RAB5B: variants seen among roughly 807,000 people sequenced by gnomAD.
The protein encoded by RAB5B is ras-related protein Rab-5B.
In RAB5B, 11 loss-of-function variants were observed where a neutral mutation model predicts 28.6. That is an observed-to-expected ratio of 0.38 (90% CI 0.24 to 0.64). The LOEUF (loss-of-function observed/expected upper bound fraction) is 0.64, where lower values mean the gene tolerates loss of function less well. Among genes scored for constraint, RAB5B ranks in the 30% least tolerant of loss-of-function variants. RAB5B has a pLI of 0.53. For synonymous variants in RAB5B, 93 were observed against 97.9 expected, an observed-to-expected ratio of 0.95 and a Z score of 0.29; for missense variants, 169 against 265.6, an observed-to-expected ratio of 0.64 and a Z score of 2.53.
rs1170313776 is a variant in RAB5B, at chr12:55,992,132, G to C, written c.568G>C (p.Gly190Arg). The C allele has an allele frequency of 6.2e-7, 1 of 1,606,430 alleles. No individual in the cohort carries two copies. Among genetic ancestry groups the C allele is most frequent in the Non-Finnish European group, 8.5e-7 (1 of 1,174,718 alleles). The change falls in exon 6 of 6, where the codon GGA becomes CGA. Residue 190 changes from glycine to arginine, a missense_variant. Transcript: ENST00000360299. ...KLPKSEPQNL[G>R]GAAGRSRGVD... The stretch of plus-strand genomic sequence containing the variant: ...GCCAAAGAGTGAACCCCAGAATCTG[G>C]GAGGTGCAGCAGGCCGAAGCCGGGG...
chr12:55,987,992 A>T (rs1890002797), intron 2 of RAB5B, among the ~76,000 whole-genome samples: 1 of 152,134 alleles, frequency 6.6e-6, no homozygotes, highest in Non-Finnish European at 1.5e-5. Flanking sequence ...TACTAAAAAT[A>T]CAAAAAATTA....
Position 55,992,667 on chromosome 12 carries a change from AAGG to A in RAB5B, c.*459_*461del. 2.5e-6 allele frequency: 1 copy of A among 397,452 alleles called. No homozygotes were observed. Among genetic ancestry groups the A allele is most frequent in the South Asian group, 1.9e-5 (1 of 51,414 alleles). The allele number at this position is 397,452 out of a possible 1,614,324, so 24.6% of individuals were successfully genotyped here. On this transcript the variant is annotated 3_prime_UTR_variant, in exon 6 of 6. Coordinates refer to ENST00000360299, the MANE Select transcript of RAB5B (RefSeq NM_002868.4). ...AAAGTGGTGAACCCAGGAACTGAGG[AAGG>A]AGGTTTCCAGTTCATTTACATTAAG... is the stretch of plus-strand genomic sequence containing the variant.
rs1465242093 is a variant in RAB5B, at chr12:55,993,227, G to C, written c.*1015G>C. On this transcript the variant is annotated 3_prime_UTR_variant, in exon 6 of 6. Transcript: ENST00000360299. ...GGGGTACTTGTTTTATGGAAGTTTT[G>C]ATTGATTTACTTGCCCTCCCACCTT... is the stretch of plus-strand genomic sequence containing the variant. 1 of 152,596 alleles carries C rather than the reference G, an allele frequency of 6.6e-6. No homozygotes were observed. Among genetic ancestry groups the C allele is most frequent in the African/African-American group, 2.4e-5 (1 of 41,436 alleles). 9.5% of individuals were successfully genotyped at this position (152,596 alleles called of 1,614,324 possible).
intron 1 of RAB5B, chr12:55,980,498 C>A: frequency 6.3e-7 from 1 of 1,590,746 alleles, no homozygotes; most frequent in Non-Finnish European, 8.6e-7. Context: ...GTTGCCGTTT[C>A]CTGATCTCCG....
chr12:55,996,003 A>ATATATATTTTTTTTTTTTTTTTTTT lies in RAB5B; in HGVS notation c.*3792_*3793insATATATTTTTTTTTTTTTTTTTTTT. 3.1e-5 allele frequency: 3 copies of ATATATATTTTTTTTTTTTTTTTTTT among 97,404 alleles called. No homozygotes were observed. Among genetic ancestry groups the ATATATATTTTTTTTTTTTTTTTTTT allele is most frequent in the African/African-American group, 1.4e-4 (3 of 21,146 alleles). 6.0% of individuals were successfully genotyped at this position (97,404 alleles called of 1,614,324 possible). On this transcript the variant is annotated 3_prime_UTR_variant, in exon 6 of 6. Transcript: ENST00000360299. ...TATATACATATATATATATATATAT[A>ATATATATTTTTTTTTTTTTTTTTTT]TTTTTTTTTTAACAACTGGTAGGAT...
chr12:55,981,780 T>C (rs1037185823), intron 1 of RAB5B, among the ~76,000 whole-genome samples: 2 of 151,776 alleles, frequency 1.3e-5, no homozygotes, highest in Non-Finnish European at 2.9e-5. Flanking sequence ...GGTCATTTTA[T>C]AAGTCATTCT....
Position 55,983,793 on chromosome 12 carries a change from G to A in RAB5B, c.-92-3076G>A, listed in dbSNP as rs187910025. 2.9e-3 allele frequency among the ~76,000 whole-genome samples: 432 copies of A among 151,464 alleles called. 1 individual carries two copies. Among genetic ancestry groups the A allele is most frequent in the Non-Finnish European group, 5.4e-3 (367 of 67,874 alleles). The stretch of plus-strand genomic sequence containing the variant: ...CCACCACAGCCTCTGGAGTAGCTGG[G>A]ATTACAGGCACATACCACCATGCCC... On this transcript the variant is annotated intron_variant, in intron 1 of 5. Transcript: ENST00000360299.
At chr12:55,979,347 C>A (rs1396099022) in intron 1 of RAB5B, 1 of 152,142 alleles carries the variant, frequency 6.6e-6, no homozygotes, top group Non-Finnish European at 1.5e-5. Flanking sequence ...TGGAAGGAAT[C>A]TCATTTAATC....
At chr12:55,975,614 CAA>C (rs111751524) in intron 1 of RAB5B, among the ~76,000 whole-genome samples, 6 of 128,500 alleles carry the variant, frequency 4.7e-5, no homozygotes, top group Non-Finnish European at 5.0e-5. Flanking sequence ...ACCCTGTCTC[CAA>C]AAAAAAAAAA....
In RAB5B at chr12:55,993,442, TGAG is replaced by T. The variant is rs1249589401; in HGVS notation, c.*1234_*1236del. The T allele has an allele frequency of 6.6e-6, 1 of 152,584 alleles. No individual in the cohort carries two copies. The highest frequency in any genetic ancestry group is 2.1e-4 in the South Asian group (1 of 4,820). 9.5% of individuals were successfully genotyped at this position (152,584 alleles called of 1,614,324 possible). A position where few individuals can be genotyped will look rare whatever the true frequency, so the allele number is the denominator to read the frequency against. On this transcript the variant is annotated 3_prime_UTR_variant, in exon 6 of 6. Coordinates refer to ENST00000360299, the MANE Select transcript of RAB5B (RefSeq NM_002868.4). Reference sequence around the variant, plus strand: ...TTTCCTGGAGAATTAATTGAGCAATTGAGGAGTGTCTCAGGATAGCACAGGCCA... The same window carrying T: ...TTTCCTGGAGAATTAATTGAGCAATTGAGTGTCTCAGGATAGCACAGGCCA...
intron 1 of RAB5B, among the ~76,000 whole-genome samples, chr12:55,982,989 G>A (rs1466288776): frequency 6.6e-6 from 1 of 152,086 alleles, no homozygotes; most frequent in Non-Finnish European, 1.5e-5. Flanking sequence ...TTTCTTGAGA[G>A]TATAGCATAT....
rs893803262 is a variant in RAB5B at position 55,996,338 on chromosome 12, GACT to G, written c.*4128_*4130del. 54 of 152,148 alleles carry G rather than the reference GACT, an allele frequency of 3.5e-4. No individual in the cohort carries two copies. The highest frequency in any genetic ancestry group is 9.8e-4 in the Admixed American group (15 of 15,280). 9.4% of individuals were successfully genotyped at this position (152,148 alleles called of 1,614,324 possible). On this transcript the variant is annotated 3_prime_UTR_variant, in exon 6 of 6. Transcript: ENST00000360299. ...ATGGATACATTTGTCCAGATTGGGG[GACT>G]AGGTTTGATAAATTTTGTCCTGCAT...
chr12:55,975,487 G>A (rs1031103721), intron 1 of RAB5B, among the ~76,000 whole-genome samples: 1 of 152,058 alleles, frequency 6.6e-6, no homozygotes, highest in Admixed American at 6.6e-5. Flanking sequence ...AGTAGCCCAC[G>A]CCTGTAATCC....
intron 1 of RAB5B, among the ~76,000 whole-genome samples, chr12:55,982,244 C>CAA (rs62786060): frequency 1.7e-5 from 2 of 115,064 alleles, no homozygotes; most frequent in African/African-American, 3.1e-5. Flanking sequence ...ACTGGTTTAC[C>CAA]AAAAAAAAAA....
intron 5 of RAB5B, 132 bp downstream of exon 5, chr12:55,991,585 T>C: frequency 1.5e-5 from 10 of 662,714 alleles, no homozygotes; most frequent in East Asian, 2.8e-5. Flanking sequence ...CTTAACTTTC[T>C]GTTATGACCT....
intron 1 of RAB5B, among the ~76,000 whole-genome samples, chr12:55,977,175 A>T (rs1190864472): frequency 1.3e-5 from 2 of 152,032 alleles, no homozygotes; most frequent in African/African-American, 2.4e-5. Flanking sequence ...GGATTTGACC[A>T]TGTTGGCCAG....
intron 1 of RAB5B, among the ~76,000 whole-genome samples, chr12:55,977,696 A>G (rs984764927): frequency 6.6e-6 from 1 of 152,238 alleles, no homozygotes; most frequent in Non-Finnish European, 1.5e-5. Context: ...TCTTGGAGGA[A>G]GGATACCATA....
chr12:55,979,433 T>G (rs1324680840), intron 1 of RAB5B: 1 of 152,182 alleles, frequency 6.6e-6, no homozygotes, highest in East Asian at 1.9e-4. Flanking sequence ...TTTCAAGATT[T>G]TGGTGACTTG....
At chr12:55,991,305 G>A in intron 4 of RAB5B, 55 bp from the exon 5 acceptor site, 1 of 1,370,488 alleles carries the variant, frequency 7.3e-7, no homozygotes, top group Non-Finnish European at 1.0e-6. Flanking sequence ...GAGTGGAAAG[G>A]CAATACTCGT....
Sources: allele counts gnomAD v4.1 joint callset (sites outside exome capture counted in the v4.1 genomes callset), GRCh38; gene constraint gnomAD v4.1.1; transcripts MANE v1.5; gene names NCBI Gene and HGNC (gene_info 2026-07-23, HGNC 2026-07-21).